USP53: variants seen among roughly 807,000 people sequenced by gnomAD.
The protein encoded by USP53 is ubiquitin carboxyl-terminal hydrolase 53.
Under a neutral mutation model 94.9 loss-of-function variants are expected in USP53, and 71 were observed. The observed-to-expected ratio is 0.75, with a 90% CI of 0.62 to 0.91. The LOEUF is 0.91. Among genes scored for constraint, USP53 ranks in the 40% least tolerant of loss-of-function variants. The pLI, the probability that USP53 is intolerant of heterozygous loss-of-function variation, is 0.00. For missense variants in USP53, 1,173 were observed against 1,281.0 expected (o/e 0.92, Z 1.29); for synonymous variants, 375 against 422.7 (o/e 0.89, Z 1.39).
rs1578490162 is a variant in USP53 at position 119,256,282 on chromosome 4, C to A, written c.409C>A (p.Pro137Thr). ...GGAGAGGATTCATTTTCACATAGTG[C>A]CAAGCAGAGATGCAGACATGTGTAC... ...MLERIHFHIV[P>T]SRDADMCTSK... is the part of the protein sequence containing the mutation. Residue 137 changes from proline to threonine, a missense_variant, in exon 8 of 19, where the codon CCA becomes ACA. Transcript: ENST00000692078. The A allele has an allele frequency of 6.2e-7, 1 of 1,613,642 alleles. No homozygotes were observed.
chr4:119,219,754 T>C (rs1415307524), intron 3 of USP53: 1 of 152,186 alleles, frequency 6.6e-6, no homozygotes, highest in East Asian at 1.9e-4. Context: ...ACTAATTATG[T>C]ATTGGGCTTA....
chr4:119,266,974 C>T (rs1462538063), intron 12 of USP53, among the ~76,000 whole-genome samples: 1 of 152,062 alleles, frequency 6.6e-6, no homozygotes, highest in Non-Finnish European at 1.5e-5. Context: ...AGTTCTTTTT[C>T]TCCAGTTGTA....
upstream of USP53, chr4:119,212,710 T>C (rs538195374): frequency 2.1e-3 from 722 of 341,222 alleles, 16 homozygotes; most frequent in South Asian, 0.015. Flanking sequence ...CCGCCTGTGC[T>C]CCAGTTCCCG....
intron 7 of USP53, among the ~76,000 whole-genome samples, chr4:119,250,905 G>GA (rs1168658094): frequency 8.8e-5 from 2 of 22,710 alleles, no homozygotes. Flanking sequence ...ATTCAAGTAG[G>GA]ATTTTTTTTT....
At chr4:119,266,675 A>G (rs1222617623) in intron 12 of USP53, among the ~76,000 whole-genome samples, 1 of 150,970 alleles carries the variant, frequency 6.6e-6, no homozygotes, top group African/African-American at 2.4e-5. Context: ...GGAATTCTTT[A>G]TTCTGCATAC....
intron 5 of USP53, among the ~76,000 whole-genome samples, chr4:119,241,852 AG>A (rs1747593662): frequency 6.6e-6 from 1 of 152,026 alleles, no homozygotes; most frequent in Admixed American, 6.5e-5. Context: ...AGTTGCCTGA[AG>A]TTTTCCAGTT....
rs1225956146 is a variant in USP53 at position 119,239,749 on chromosome 4, G to C, written c.-11G>C. 3.1e-6 allele frequency: 5 copies of C among 1,600,702 alleles called. No homozygotes were observed. In the African/African-American group the frequency reaches 5.4e-5, roughly 17 times the overall value. ...AGTTTTTAGCCTAAATGCAAACAAA[G>C]TTGCTTGAAAATGGCATGGGTAAAA... On this transcript the variant is annotated 5_prime_UTR_variant, in exon 5 of 19. Coordinates refer to ENST00000692078, the MANE Select transcript of USP53 (RefSeq NM_001371395.1).
Position 119,256,451 on chromosome 4 carries a change from G to T in USP53, c.497G>T (p.Arg166Leu). The change falls in exon 9 of 19, where the codon CGT (arginine) becomes CTT (leucine). Residue 166 changes from arginine to leucine, a missense_variant. By Grantham distance (102) the Arg-to-Leu change is moderately radical. Coordinates refer to ENST00000692078, the MANE Select transcript of USP53 (RefSeq NM_001371395.1). ...TTTTTACCTATATAGTGTGTGTGTC[G>T]TAGCTGTGGAGCATCGTCAGATCCT... is the stretch of plus-strand genomic sequence containing the variant. ...AMTLYEQCVC[R>L]SCGASSDPLP... 1.9e-6 allele frequency: 3 copies of T among 1,613,986 alleles called. No individual in the cohort carries two copies. Among genetic ancestry groups the T allele is most frequent in the Non-Finnish European group, 2.5e-6 (3 of 1,179,964 alleles).
At chr4:119,262,068 G>A (rs1280780440) in intron 12 of USP53, among the ~76,000 whole-genome samples, 1 of 152,038 alleles carries the variant, frequency 6.6e-6, no homozygotes, top group Non-Finnish European at 1.5e-5. Flanking sequence ...TTTTAAACCA[G>A]TCCATTTCCA....
At chr4:119,236,170 T>C (rs1746716159) in intron 4 of USP53, among the ~76,000 whole-genome samples, 1 of 152,250 alleles carries the variant, frequency 6.6e-6, no homozygotes, top group South Asian at 2.1e-4. Context: ...AATTTTTTTG[T>C]TTCCCAGTGC....
rs1198547154 is a variant in USP53, at chr4:119,294,982, T to C, written c.*1771T>C. ...CCAAAGTTTTTCTTCTTTTATAACATTGTAAGATACTAGAAAAATGGGCTT... is the reference window on the plus strand; with the variant it reads ...CCAAAGTTTTTCTTCTTTTATAACACTGTAAGATACTAGAAAAATGGGCTT... On this transcript the variant is annotated 3_prime_UTR_variant, in exon 19 of 19. Transcript: ENST00000692078. The C allele has an allele frequency of 3.9e-5, 6 of 152,124 alleles. No individual in the cohort carries two copies. The highest frequency in any genetic ancestry group is 6.5e-5 in the Admixed American group (1 of 15,282). The allele number at this position is 152,124 out of a possible 1,614,324, so 9.4% of individuals were successfully genotyped here. A position where few individuals can be genotyped will look rare whatever the true frequency, so the allele number is the denominator to read the frequency against.
Position 119,293,047 on chromosome 4 carries a change from C to A in USP53, c.3058C>A (p.Pro1020Thr), listed in dbSNP as rs1185989166. The A allele has an allele frequency of 6.2e-7, 1 of 1,614,066 alleles. No individual in the cohort carries two copies. Among genetic ancestry groups the A allele is most frequent in the South Asian group, 1.1e-5 (1 of 91,080 alleles). ...AGGTGCCATTGATGCATTTTGCCAA[C>A]CAGAACTAGACTCTATTTCTACCTG... Reference protein sequence around the residue: ...NSGAIDAFCQPELDSISTCPN... With the variant: ...NSGAIDAFCQTELDSISTCPN... Residue 1020 changes from proline (P) to threonine (T), a missense_variant, in exon 19 of 19, where the codon CCA (proline) becomes ACA (threonine). Physicochemically the swap from Pro to Thr is conservative, Grantham distance 38 (BLOSUM62 -1). Transcript: ENST00000692078.
chr4:119,256,345 A>G lies in USP53; in HGVS notation c.472A>G (p.Thr158Ala). ...TATCACTCACCAGAAGTTTGCTATG[A>G]CTCTGTATGAACAGGTGAGATGGCT... ...SCITHQKFAM[T>A]LYEQCVCRSC... The change falls in exon 8 of 19, where the codon ACT becomes GCT. Residue 158 changes from threonine (T) to alanine (A), a missense_variant. By Grantham distance (58) the Thr-to-Ala change is moderately conservative. Transcript: ENST00000692078. 6.2e-7 allele frequency: 1 copy of G among 1,613,828 alleles called. No individual in the cohort carries two copies. The highest frequency in any genetic ancestry group is 8.5e-7 in the Non-Finnish European group (1 of 1,179,870).
chr4:119,229,424 T>G (rs1745755754), intron 3 of USP53, among the ~76,000 whole-genome samples: 1 of 152,212 alleles, frequency 6.6e-6, no homozygotes, highest in African/African-American at 2.4e-5. Context: ...CTTTTGAATC[T>G]AAATATTTAC....
At chr4:119,245,484 A>T in intron 6 of USP53, 55 bp downstream of exon 6, 1 of 1,506,304 alleles carries the variant, frequency 6.6e-7, no homozygotes, top group Non-Finnish European at 9.2e-7. Flanking sequence ...CAAAAATTTA[A>T]GTTTGATATA....
chr4:119,273,063 C>T (rs1344639552), intron 16 of USP53: 1 of 152,290 alleles, frequency 6.6e-6, no homozygotes, highest in Non-Finnish European at 1.5e-5. Context: ...AATCACAGCA[C>T]CTTGGGAGGC....
Position 119,293,109 on chromosome 4 carries a change from A to G in USP53, c.3120A>G (p.Ser1040=). The G allele has an allele frequency of 1.2e-6, 2 of 1,613,924 alleles. No homozygotes were observed. Among genetic ancestry groups the G allele is most frequent in the Non-Finnish European group, 8.5e-7 (1 of 1,179,904 alleles). Residue 1040 remains serine (S), a synonymous_variant, in exon 19 of 19, where the codon TCA becomes TCG. Transcript: ENST00000692078. ...CAGTTTCATTAACTACCTATTTTTCAGTTGATAGCTGCATGACGGATACAT... is the reference window on the plus strand; with the variant it reads ...CAGTTTCATTAACTACCTATTTTTCGGTTGATAGCTGCATGACGGATACAT... ...NETVSLTTYF[S]VDSCMTDTYR...
At chr4:119,213,660 A>ATGTGTGTGTGTGTGTGTG (rs1553962017) in intron 1 of USP53, among the ~76,000 whole-genome samples, 4 of 117,790 alleles carry the variant, frequency 3.4e-5, no homozygotes, top group African/African-American at 1.4e-4. Flanking sequence ...ATATATATAT[A>ATGTGTGTGTGTGTGTGTG]TGTGTGTGTG....
rs150011793 is a variant in USP53 at position 119,212,719 on chromosome 4, C to G, written c.-1096C>G. The G allele has an allele frequency of 3.2e-3, 1,075 of 341,164 alleles. 14 individuals are homozygous for G. In the East Asian group the frequency reaches 0.033, roughly 10 times the overall value. The allele number at this position is 341,164 out of a possible 1,614,324, so 21.1% of individuals were successfully genotyped here. On this transcript the variant is annotated 5_prime_UTR_variant, in exon 1 of 19. Transcript: ENST00000692078. ...GACCAGCCGCCTGTGCTCCAGTTCC[C>G]GGTGAGCCTCGGTACTGTGGCAGCA...
Sources: allele counts gnomAD v4.1 joint callset (sites outside exome capture counted in the v4.1 genomes callset), GRCh38; gene constraint gnomAD v4.1.1; transcripts MANE v1.5; gene names NCBI Gene and HGNC (gene_info 2026-07-23, HGNC 2026-07-21).